Variants in DCC observed in about 807,000 individuals in gnomAD.
DCC encodes the protein netrin receptor DCC.
Under a neutral mutation model 172.5 loss-of-function variants are expected in DCC, and 58 were observed. The observed-to-expected ratio is 0.34, with a 90% CI of 0.27 to 0.42. DCC has a LOEUF of 0.42. DCC is among the 10% of genes least tolerant of loss of function. The probability of loss-of-function intolerance (pLI) is 1.00; values close to 1 mark genes in which losing one functional copy is unlikely to be tolerated. For missense variants in DCC, 1,740 were observed against 1,791.0 expected (o/e 0.97, Z 0.51); for synonymous variants, 709 against 644.5 (o/e 1.10, Z -1.52).
intron 1 of DCC, among the ~76,000 whole-genome samples, chr18:52,401,971 T>A (rs528420388): frequency 6.6e-6 from 1 of 152,108 alleles, no homozygotes; most frequent in East Asian, 1.9e-4. Context: ...AAATTTCAAT[T>A]TATAACGATA....
chr18:52,367,011 C>T (rs1984896620), intron 1 of DCC, among the ~76,000 whole-genome samples: 1 of 152,216 alleles, frequency 6.6e-6, no homozygotes, highest in African/African-American at 2.4e-5. Context: ...GGGTGGGAGG[C>T]TCAGGCATGG....
intron 2 of DCC, among the ~76,000 whole-genome samples, chr18:52,853,631 C>T (rs1363561796): frequency 6.6e-6 from 1 of 152,158 alleles, no homozygotes; most frequent in African/African-American, 2.4e-5. Context: ...GGATGATTGA[C>T]ACAGGAAACA....
intron 2 of DCC, among the ~76,000 whole-genome samples, chr18:52,879,197 G>C (rs118003120): frequency 0.01 from 1,591 of 152,108 alleles, 12 homozygotes; most frequent in Middle Eastern, 0.017. Flanking sequence ...ATAAACCTTT[G>C]CTTCTTTTTC....
At chr18:52,619,137 C>A (rs2034436492) in intron 1 of DCC, among the ~76,000 whole-genome samples, 1 of 152,122 alleles carries the variant, frequency 6.6e-6, no homozygotes, top group Non-Finnish European at 1.5e-5. Flanking sequence ...AAGGTTTCAC[C>A]ATGTTGGCCA....
At chr18:53,216,670 A>G (rs2055856985) in intron 12 of DCC, among the ~76,000 whole-genome samples, 1 of 152,124 alleles carries the variant, frequency 6.6e-6, no homozygotes, top group African/African-American at 2.4e-5. Flanking sequence ...ATATCTTGTG[A>G]TGTTAATTGG....
At chr18:52,747,873 G>C (rs1199278796) in intron 1 of DCC, among the ~76,000 whole-genome samples, 3 of 152,200 alleles carry the variant, frequency 2.0e-5, no homozygotes, top group Non-Finnish European at 2.9e-5. Flanking sequence ...GCAATACAAG[G>C]AAGTTAAAGG....
chr18:52,550,952 T>TA (rs1211786368), intron 1 of DCC, among the ~76,000 whole-genome samples: 1 of 151,930 alleles, frequency 6.6e-6, no homozygotes, highest in Admixed American at 6.6e-5. Flanking sequence ...AGTTTATTTT[T>TA]AAAAAAATGA....
intron 15 of DCC, among the ~76,000 whole-genome samples, chr18:53,356,005 C>T (rs1026286510): frequency 6.6e-6 from 1 of 152,092 alleles, no homozygotes; most frequent in African/African-American, 2.4e-5. Flanking sequence ...CCCAATATCA[C>T]TGTTCTCAAC....
chr18:53,335,345 G>A (rs576632751), intron 14 of DCC, among the ~76,000 whole-genome samples: 1 of 152,002 alleles, frequency 6.6e-6, no homozygotes, highest in East Asian at 1.9e-4. Context: ...TAGGACTTAT[G>A]TTTTGTCTTT....
At chr18:52,379,218 A>G (rs1985481257) in intron 1 of DCC, among the ~76,000 whole-genome samples, 1 of 152,118 alleles carries the variant, frequency 6.6e-6, no homozygotes, top group Admixed American at 6.5e-5. Context: ...GCAGTGCTAC[A>G]AATGATGACC....
chr18:53,233,868 C>T (rs933929727), intron 12 of DCC, among the ~76,000 whole-genome samples: 2 of 152,158 alleles, frequency 1.3e-5, no homozygotes, highest in Non-Finnish European at 2.9e-5. Context: ...AATCCCAGCA[C>T]TTTGGGAGGC....
chr18:52,664,470 CTTTTTCTTTT>C (rs1340917252), intron 1 of DCC, among the ~76,000 whole-genome samples: 3 of 99,800 alleles, frequency 3.0e-5, no homozygotes, highest in African/African-American at 8.2e-5. Flanking sequence ...TTTTCTTTTT[CTTTTTCTTTT>C]TTTTTTTTTT....
At chr18:52,681,798 C>A (rs1464476053) in intron 1 of DCC, among the ~76,000 whole-genome samples, 1 of 152,106 alleles carries the variant, frequency 6.6e-6, no homozygotes, top group Non-Finnish European at 1.5e-5. Flanking sequence ...AGGAGACCCT[C>A]TGTGCCATTC....
intron 7 of DCC, among the ~76,000 whole-genome samples, chr18:53,074,689 G>A (rs758429392): frequency 8.3e-4 from 126 of 152,178 alleles, no homozygotes; most frequent in Non-Finnish European, 1.3e-3. Context: ...TTTTCCCTGA[G>A]TGATTCATTG....
chr18:53,341,648 T>A (rs1226006964), intron 15 of DCC, among the ~76,000 whole-genome samples: 1 of 152,218 alleles, frequency 6.6e-6, no homozygotes, highest in East Asian at 1.9e-4. Flanking sequence ...ATACAGTAAT[T>A]AGCATGTTGT....
At chr18:53,249,069 G>A (rs1386515482) in intron 12 of DCC, among the ~76,000 whole-genome samples, 3 of 151,934 alleles carry the variant, frequency 2.0e-5, no homozygotes, top group Non-Finnish European at 2.9e-5. Flanking sequence ...TGTCAGCATA[G>A]AAATTTTACT....
chr18:53,348,133 G>C (rs6508229), intron 15 of DCC, among the ~76,000 whole-genome samples: 94,284 of 151,994 alleles, frequency 0.62, 29,852 homozygotes, highest in African/African-American at 0.68. Context: ...TGACACGAAG[G>C]AAGTCCCTTT....
intron 15 of DCC, among the ~76,000 whole-genome samples, chr18:53,351,824 T>A (rs1374135799): frequency 1.3e-5 from 2 of 151,898 alleles, no homozygotes; most frequent in African/African-American, 4.8e-5. Flanking sequence ...GTGTTTCTTC[T>A]AAGCACTTCA....
At position 52,856,640 on chromosome 18, in the gene DCC, A is replaced by AAG. The variant is rs1358525596; in HGVS notation, c.413-49403_413-49402insGA. 1.2e-3 allele frequency among the ~76,000 whole-genome samples: 182 copies of AAG among 149,694 alleles called. 1 individual carries two copies. Among genetic ancestry groups the AAG allele is most frequent in the African/African-American group, 4.1e-3 (165 of 39,862 alleles). On this transcript the variant is annotated intron_variant, in intron 2 of 28. Coordinates refer to ENST00000442544, the MANE Select transcript of DCC (RefSeq NM_005215.4). ...GACTCCATCTCAAAAAAAAAAAAAA[A>AAG]AAAGAAAACAAAATGGCAATATATA...
Sources: gnomAD v4.1 joint callset for allele counts (sites outside exome capture counted in the v4.1 genomes callset) on GRCh38, gnomAD v4.1.1 for gene constraint, MANE v1.5 for transcripts, NCBI Gene and HGNC (gene_info 2026-07-23, HGNC 2026-07-21) for gene names.